LRP1: variants seen among roughly 807,000 people sequenced by gnomAD.
The protein encoded by LRP1 is prolow-density lipoprotein receptor-related protein 1.
A neutral mutation model predicts 541.5 loss-of-function variants in LRP1; 51 were observed. The ratio of observed to expected loss-of-function variants is 0.09; its 90% CI spans 0.08 to 0.12. LRP1 has a LOEUF of 0.12. Ranked by LOEUF, LRP1 falls within the 10% of genes least tolerant of loss-of-function variation. LRP1 has a pLI of 1.00. For synonymous variants in LRP1, 2,219 were observed against 2,470.8 expected, an observed-to-expected ratio of 0.90 and a Z score of 3.02; for missense variants, 3,878 against 6,376.2, an observed-to-expected ratio of 0.61 and a Z score of 13.34.
intron 10 of LRP1, among the ~76,000 whole-genome samples, chr12:57,157,592 C>T (rs1441067751): frequency 3.3e-5 from 5 of 152,168 alleles, no homozygotes; most frequent in Non-Finnish European, 1.5e-5. Flanking sequence ...GCCTGGATGA[C>T]AGAGCGAGAC....
At position 57,211,828 on chromosome 12, in the gene LRP1, G is replaced by T. The variant is rs770681646; in HGVS notation, c.13258+14G>T. The T allele has an allele frequency of 3.1e-6, 5 of 1,612,672 alleles. No homozygotes were observed. The African/African-American group carries it at 6.7e-5, about 22-fold the overall frequency. ...AGCAGCCAGGACGTAGGTGGCAGGGGTTGGGGCAGGCAGGGCCACCGGGAC... is the reference window on the plus strand; with the variant it reads ...AGCAGCCAGGACGTAGGTGGCAGGGTTTGGGGCAGGCAGGGCCACCGGGAC... On this transcript the variant is annotated intron_variant, in intron 86 of 88. Coordinates refer to ENST00000243077, the MANE Select transcript of LRP1 (RefSeq NM_002332.3). The surrounding 1 kb of genome is among the most constrained non-coding windows in gnomAD (Gnocchi z 4.3).
chr12:57,174,978 G>T (rs755985736), intron 22 of LRP1, among the ~76,000 whole-genome samples: 1 of 152,126 alleles, frequency 6.6e-6, no homozygotes, highest in Non-Finnish European at 1.5e-5. Flanking sequence ...GAGAACTGCC[G>T]ACAGGCTATC....
chr12:57,136,346 A>G (rs1246816461), intron 1 of LRP1, among the ~76,000 whole-genome samples: 2 of 134,932 alleles, frequency 1.5e-5, no homozygotes, highest in African/African-American at 5.6e-5. Context: ...GGGGGTTAGG[A>G]GGGAAGACAT....
In LRP1 at chr12:57,201,704, C is replaced by T. The variant is rs2036659760; in HGVS notation, c.10469-76C>T. Reference sequence around the variant, plus strand: ...CGACGTGTGACCCCCTCAGTGGCTGCTCCCTCACTCTCCCCACCCTCCCGG... The same window carrying T: ...CGACGTGTGACCCCCTCAGTGGCTGTTCCCTCACTCTCCCCACCCTCCCGG... On this transcript the variant is annotated intron_variant, in intron 66 of 88. Coordinates refer to ENST00000243077, the MANE Select transcript of LRP1 (RefSeq NM_002332.3). The surrounding 1 kb of genome is among the most constrained non-coding windows in gnomAD (Gnocchi z 6.4). 2 of 1,594,480 alleles carry T rather than the reference C, an allele frequency of 1.3e-6. No individual in the cohort carries two copies. Among genetic ancestry groups the T allele is most frequent in the Non-Finnish European group, 1.7e-6 (2 of 1,166,716 alleles).
intron 24 of LRP1, among the ~76,000 whole-genome samples, chr12:57,176,821 T>C (rs1213931146): frequency 6.6e-6 from 1 of 151,672 alleles, no homozygotes; most frequent in Non-Finnish European, 1.5e-5. Flanking sequence ...TGAGCCATGA[T>C]CATGCCACTG....
chr12:57,178,228 T>G lies in LRP1; in HGVS notation c.4362-131T>G. The G allele has an allele frequency of 9.4e-7, 1 of 1,065,944 alleles. No homozygotes were observed. Among genetic ancestry groups the G allele is most frequent in the Non-Finnish European group, 1.3e-6 (1 of 742,674 alleles). 66.0% of individuals were successfully genotyped at this position (1,065,944 alleles called of 1,614,324 possible). ...TCTGTCTGCTCTGGCCAGCAAGGCT[T>G]AGGGGAGGGAATGGTCCCATGCTCT... On this transcript the variant is annotated intron_variant, in intron 26 of 88. Transcript: ENST00000243077. This position sits in a 1 kb window ranked among gnomAD's most constrained non-coding sequence, Gnocchi z 5.8.
At position 57,197,344 on chromosome 12, in the gene LRP1, A is replaced by G; in HGVS notation, c.9122A>G (p.Lys3041Arg). ...LIFANRYYLR[K>R]LNLDGSNYTL... ...TTCGCCAACCGGTACTACCTGCGCA[A>G]GCTCAACCTGGACGGGTCCAACTAC... Residue 3041 changes from lysine (K) to arginine (R), a missense_variant, in exon 57 of 89, where the codon AAG becomes AGG. Around this residue, in one of 13 missense-constraint regions of LRP1, gnomAD observed 1,100 missense variants for 1,827.4 expected, o/e 0.60. Transcript: ENST00000243077. The surrounding 1 kb of genome is among the most constrained non-coding windows in gnomAD (Gnocchi z 4.5). The G allele has an allele frequency of 6.2e-7, 1 of 1,614,102 alleles. No individual in the cohort carries two copies. Among genetic ancestry groups the G allele is most frequent in the Non-Finnish European group, 8.5e-7 (1 of 1,179,990 alleles).
In LRP1 at chr12:57,211,059, C is replaced by G. The variant is rs908223507; in HGVS notation, c.12917-117C>G. On this transcript the variant is annotated intron_variant, in intron 83 of 88. Coordinates refer to ENST00000243077, the MANE Select transcript of LRP1 (RefSeq NM_002332.3). The surrounding 1 kb of genome is among the most constrained non-coding windows in gnomAD (Gnocchi z 4.3). ...CCCCACAAAGGTGCTGGCACACTTC[C>G]CCTGAGGCAGTGCACCCCCTGCACC... The G allele has an allele frequency of 1.5e-5, 21 of 1,395,720 alleles. No individual in the cohort carries two copies. Among genetic ancestry groups the G allele is most frequent in the African/African-American group, 2.8e-5 (2 of 70,652 alleles). 86.5% of individuals were successfully genotyped at this position (1,395,720 alleles called of 1,614,324 possible). A position where few individuals can be genotyped will look rare whatever the true frequency, so the allele number is the denominator to read the frequency against.
chr12:57,196,368 C>T (rs2036535021), intron 55 of LRP1, 91 bp downstream of exon 55: 1 of 1,219,406 alleles, frequency 8.2e-7, no homozygotes, highest in Non-Finnish European at 1.1e-6. Flanking sequence ...ATCCCCTAGA[C>T]AGTGGGGATA....
chr12:57,176,155 G>T, intron 24 of LRP1, 49 bp downstream of exon 24: 1 of 1,589,056 alleles, frequency 6.3e-7, no homozygotes, highest in Non-Finnish European at 8.6e-7. Flanking sequence ...GGAGCGCTCA[G>T]GCGCTAGGGG....
Position 57,200,001 on chromosome 12 carries a change from T to C in LRP1, c.9990T>C (p.Cys3330=), listed in dbSNP as rs1315065131. Reference sequence around the variant, plus strand: ...ACCTGGGCAGCGATGGGCGCACCTGTGTGTCCAACTGCACGGCTAGCCAGG... The same window carrying C: ...ACCTGGGCAGCGATGGGCGCACCTGCGTGTCCAACTGCACGGCTAGCCAGG... ...NFYLGSDGRT[C]VSNCTASQFV... Residue 3330 remains cysteine (C), a synonymous_variant, in exon 62 of 89, where the codon TGT becomes TGC. Coordinates refer to ENST00000243077, the MANE Select transcript of LRP1 (RefSeq NM_002332.3). 1 of 1,594,902 alleles carries C rather than the reference T, an allele frequency of 6.3e-7. No individual in the cohort carries two copies. Among genetic ancestry groups the C allele is most frequent in the Non-Finnish European group, 8.5e-7 (1 of 1,174,290 alleles).
intron 51 of LRP1, 49 bp from the exon 52 acceptor site, chr12:57,195,222 C>G (rs753704885): frequency 4.4e-6 from 7 of 1,604,964 alleles, no homozygotes; most frequent in Admixed American, 1.7e-5. Flanking sequence ...ACTGCTAGAC[C>G]TGATCTACCC....
chr12:57,205,661 C>T lies in LRP1; in HGVS notation c.11574C>T (p.Asn3858=), dbSNP rs2036761350. ...SCARNFMKTH[N]TCKAEGSEYQ... is the part of the protein sequence containing the mutation. ...CTCGGAACTTCATGAAGACGCACAACACCTGCAAGGCCGAAGGTGCCGGAG... is the reference window on the plus strand; with the variant it reads ...CTCGGAACTTCATGAAGACGCACAATACCTGCAAGGCCGAAGGTGCCGGAG... The change falls in exon 75 of 89, where the codon AAC becomes AAT. Residue 3858 remains asparagine, a synonymous_variant. Transcript: ENST00000243077. This position sits in a 1 kb window ranked among gnomAD's most constrained non-coding sequence, Gnocchi z 4.6. The T allele has an allele frequency of 1.9e-6, 3 of 1,612,192 alleles. No individual in the cohort carries two copies. The highest frequency in any genetic ancestry group is 1.7e-5 in the Admixed American group (1 of 60,026).
At chr12:57,194,231 C>A (rs1457137190) in intron 48 of LRP1, 123 bp from the exon 49 acceptor site, 5 of 1,182,538 alleles carry the variant, frequency 4.2e-6, no homozygotes, top group Non-Finnish European at 5.8e-6. Flanking sequence ...GCAGACAGTG[C>A]CCCACCAGAA....
rs961336407 is a variant in LRP1 at position 57,211,450 on chromosome 12, G to A, written c.13092-37G>A. 2 of 1,610,606 alleles carry A rather than the reference G, an allele frequency of 1.2e-6. No homozygotes were observed. The highest frequency in any genetic ancestry group is 3.3e-5 in the Admixed American group (2 of 59,988). ...TCCTCAGCATCCCAGGCACGCCTCT[G>A]CCAGCCCCAGCCCCAGCCTCTGATT... On this transcript the variant is annotated intron_variant, in intron 84 of 88. Coordinates refer to ENST00000243077, the MANE Select transcript of LRP1 (RefSeq NM_002332.3). This position sits in a 1 kb window ranked among gnomAD's most constrained non-coding sequence, Gnocchi z 4.3.
At chr12:57,199,455 T>C in intron 61 of LRP1, 55 bp downstream of exon 61, 1 of 1,557,544 alleles carries the variant, frequency 6.4e-7, no homozygotes, top group Non-Finnish European at 8.7e-7. Context: ...CCGGGGTCCC[T>C]GGGAGTTCCT....
rs1187214232 is a variant in LRP1, at chr12:57,211,744, C to T, written c.13194-6C>T. On this transcript the variant is annotated splice_polypyrimidine_tract_variant and splice_region_variant and intron_variant, in intron 85 of 88. Transcript: ENST00000243077. This position sits in a 1 kb window ranked among gnomAD's most constrained non-coding sequence, Gnocchi z 4.3. ...ACCTACTCAGCCGTGTCCCTCCTTTCTGCAGGTGCCCACCCCACATGACAG... is the reference window on the plus strand; with the variant it reads ...ACCTACTCAGCCGTGTCCCTCCTTTTTGCAGGTGCCCACCCCACATGACAG... 1 of 1,613,336 alleles carries T rather than the reference C, an allele frequency of 6.2e-7. No homozygotes were observed.
At position 57,156,992 on chromosome 12, in the gene LRP1, C is replaced by T; in HGVS notation, c.1561+72C>T. 6.9e-7 allele frequency: 1 copy of T among 1,458,414 alleles called. No individual in the cohort carries two copies. The allele number at this position is 1,458,414 out of a possible 1,614,324, so 90.3% of individuals were successfully genotyped here. On this transcript the variant is annotated intron_variant, in intron 10 of 88. Transcript: ENST00000243077. This position sits in a 1 kb window ranked among gnomAD's most constrained non-coding sequence, Gnocchi z 5.2. ...GGGTTCCTCAGGTGTCCCCCACAGC[C>T]CGGCTGCCTCTGTCTGACATGCAGG...
chr12:57,205,001 T>G lies in LRP1; in HGVS notation c.11195-108T>G. On this transcript the variant is annotated intron_variant, in intron 72 of 88. Transcript: ENST00000243077. The surrounding 1 kb of genome is among the most constrained non-coding windows in gnomAD (Gnocchi z 4.6). ...ACCCAAATGTTTGACCTGCTCCCCC[T>G]GCAAGCCTTGTCACTTAGGAATTGG... 4 of 1,493,534 alleles carry G rather than the reference T, an allele frequency of 2.7e-6. No homozygotes were observed. Among genetic ancestry groups the G allele is most frequent in the Non-Finnish European group, 3.6e-6 (4 of 1,107,560 alleles). The allele number at this position is 1,493,534 out of a possible 1,614,324, so 92.5% of individuals were successfully genotyped here. A position where few individuals can be genotyped will look rare whatever the true frequency, so the allele number is the denominator to read the frequency against.
Sources: gnomAD v4.1 joint callset for allele counts (sites outside exome capture counted in the v4.1 genomes callset) on GRCh38, gnomAD v4.1.1 for gene constraint, gnomAD v4.1.1 regional missense constraint, Gnocchi (gnomAD v3.1) non-coding constraint, MANE v1.5 for transcripts, NCBI Gene and HGNC (gene_info 2026-07-23, HGNC 2026-07-21) for gene names.